The following KIAA1217 variants were observed in gnomAD, a reference collection of about 807,000 sequenced individuals.
The protein encoded by KIAA1217 is sickle tail protein homolog.
A neutral mutation model predicts 163.9 loss-of-function variants in KIAA1217; 88 were observed. The observed-to-expected ratio is 0.54, with a 90% CI of 0.45 to 0.64. The LOEUF is 0.64. Among genes scored for constraint, KIAA1217 ranks in the 30% least tolerant of loss-of-function variants. KIAA1217 has a pLI of 0.00. For synonymous variants in KIAA1217, 903 were observed against 923.1 expected, an observed-to-expected ratio of 0.98 and a Z score of 0.39; for missense variants, 2,372 against 2,475.0, an observed-to-expected ratio of 0.96 and a Z score of 0.88.
At chr10:24,113,067 T>A (rs1353587884) in intron 2 of KIAA1217, among the ~76,000 whole-genome samples, 1 of 152,078 alleles carries the variant, frequency 6.6e-6, no homozygotes, top group African/African-American at 2.4e-5. Context: ...TGACACACCC[T>A]GATTCCAGGG....
intron 2 of KIAA1217, among the ~76,000 whole-genome samples, chr10:24,354,107 G>A (rs571134064): frequency 3.3e-5 from 5 of 152,286 alleles, no homozygotes; most frequent in African/African-American, 1.2e-4. Flanking sequence ...CATATGAACT[G>A]CCAATTGATG....
intron 5 of KIAA1217, among the ~76,000 whole-genome samples, chr10:24,454,831 A>C (rs1043002506): frequency 1.3e-5 from 2 of 152,038 alleles, no homozygotes; most frequent in Non-Finnish European, 2.9e-5. Context: ...CAAATCTAAA[A>C]ATATGTTTTC....
intron 11 of KIAA1217, among the ~76,000 whole-genome samples, chr10:24,520,641 A>AAGAAAG (rs1306156016): frequency 1.1e-5 from 1 of 87,076 alleles, no homozygotes; most frequent in African/African-American, 6.0e-5. Context: ...AAAAAAAAAA[A>AAGAAAG]AAAAAAAAAA....
At chr10:24,289,167 C>T (rs1456272645) in intron 2 of KIAA1217, among the ~76,000 whole-genome samples, 1 of 152,082 alleles carries the variant, frequency 6.6e-6, no homozygotes, top group African/African-American at 2.4e-5. Flanking sequence ...GAAGAGATTG[C>T]CATTGCTGTT....
rs901944994 is a variant in KIAA1217, at chr10:24,173,243, C to T, written c.-170-46383C>T. On this transcript the variant is annotated intron_variant, in intron 2 of 18. Coordinates refer to the KIAA1217 transcript ENST00000376462. ...TTATGAGAATCTAATGCCTGATGATCTGTCACCGTCCCCTATCACCCCCAA... is the reference window on the plus strand; with the variant it reads ...TTATGAGAATCTAATGCCTGATGATTTGTCACCGTCCCCTATCACCCCCAA... 2.6e-5 allele frequency among the ~76,000 whole-genome samples: 4 copies of T among 152,266 alleles called. No individual in the cohort carries two copies. The East Asian group carries it at 7.7e-4, about 29-fold the overall frequency.
At chr10:24,022,481 G>A (rs746511473) in intron 2 of KIAA1217, among the ~76,000 whole-genome samples, 1 of 151,616 alleles carries the variant, frequency 6.6e-6, no homozygotes, top group Non-Finnish European at 1.5e-5. Context: ...ACAAAGATGT[G>A]GGGAAAGAGA....
At chr10:23,848,794 C>T (rs1839166718) in intron 1 of KIAA1217, among the ~76,000 whole-genome samples, 1 of 152,026 alleles carries the variant, frequency 6.6e-6, no homozygotes, top group African/African-American at 2.4e-5. Flanking sequence ...CACATGGCTC[C>T]ACAGTGGATT....
chr10:24,354,864 AT>A (rs143923189), intron 2 of KIAA1217, among the ~76,000 whole-genome samples: 32 of 149,858 alleles, frequency 2.1e-4, no homozygotes, highest in East Asian at 1.0e-3. Context: ...AAAAACAGGA[AT>A]GCCCGTTCCC....
chr10:24,076,239 A>G (rs1414983873), intron 2 of KIAA1217, among the ~76,000 whole-genome samples: 1 of 152,196 alleles, frequency 6.6e-6, no homozygotes, highest in African/African-American at 2.4e-5. Flanking sequence ...AAAGATTGAT[A>G]CACAGCGTTT....
At chr10:24,158,300 T>C in intron 2 of KIAA1217, 1 of 700,426 alleles carries the variant, frequency 1.4e-6, no homozygotes, top group Non-Finnish European at 2.7e-6. Flanking sequence ...TTGGATCCTT[T>C]TTATACTCAA....
At chr10:24,494,416 T>C in intron 6 of KIAA1217, 84 bp from the exon 7 acceptor site, 1 of 1,143,926 alleles carries the variant, frequency 8.7e-7, no homozygotes, top group Non-Finnish European at 1.3e-6. Flanking sequence ...TGGTACCTTT[T>C]ATAACCCTCA....
chr10:23,750,020 CTT>C (rs936046623), intron 1 of KIAA1217, among the ~76,000 whole-genome samples: 2 of 151,542 alleles, frequency 1.3e-5, no homozygotes, highest in Admixed American at 6.6e-5. Flanking sequence ...CTTTTCTTTT[CTT>C]TTTTTGACCT....
intron 1 of KIAA1217, among the ~76,000 whole-genome samples, chr10:23,904,538 G>T (rs1589048079): frequency 6.6e-6 from 1 of 152,232 alleles, no homozygotes; most frequent in South Asian, 2.1e-4. Flanking sequence ...AGCCTCTTTT[G>T]CTTCAAACAC....
At chr10:23,697,260 T>C (rs1435910996) in intron 1 of KIAA1217, among the ~76,000 whole-genome samples, 1 of 152,232 alleles carries the variant, frequency 6.6e-6, no homozygotes, top group East Asian at 1.9e-4. Flanking sequence ...TGAAAAATAC[T>C]TTAGGATTAT....
chr10:24,172,040 G>A (rs1057217882), intron 2 of KIAA1217, among the ~76,000 whole-genome samples: 2 of 152,152 alleles, frequency 1.3e-5, no homozygotes, highest in Non-Finnish European at 2.9e-5. Context: ...CAAATGGCTT[G>A]ACAGAGATCA....
chr10:23,820,564 G>C (rs1054886010), intron 1 of KIAA1217, among the ~76,000 whole-genome samples: 2 of 152,220 alleles, frequency 1.3e-5, no homozygotes, highest in South Asian at 2.1e-4. Flanking sequence ...GAGGAAGTGA[G>C]TTTTGATCCA....
intron 1 of KIAA1217, among the ~76,000 whole-genome samples, chr10:23,709,949 C>T (rs1383048578): frequency 1.3e-5 from 2 of 152,172 alleles, no homozygotes; most frequent in African/African-American, 4.8e-5. Flanking sequence ...CGCACTTTCC[C>T]TATTATGTGA....
intron 1 of KIAA1217, among the ~76,000 whole-genome samples, chr10:23,976,268 T>A (rs928127999): frequency 1.3e-5 from 2 of 152,104 alleles, no homozygotes; most frequent in African/African-American, 2.4e-5. Flanking sequence ...GACTAGAAAA[T>A]CTCTGTTCAT....
intron 6 of KIAA1217, among the ~76,000 whole-genome samples, chr10:24,486,496 C>T (rs1049488057): frequency 6.6e-6 from 1 of 152,192 alleles, no homozygotes; most frequent in African/African-American, 2.4e-5. Flanking sequence ...GACAGGTCAA[C>T]CGTCTGCCCC....
Sources: allele counts gnomAD v4.1 joint callset (sites outside exome capture counted in the v4.1 genomes callset), GRCh38; gene constraint gnomAD v4.1.1; transcripts MANE v1.5; gene names NCBI Gene and HGNC (gene_info 2026-07-23, HGNC 2026-07-21).